ANK3: variants seen among roughly 807,000 people sequenced by gnomAD.
ANK3 encodes the protein ankyrin 3.
A neutral mutation model predicts 370.9 loss-of-function variants in ANK3; 57 were observed. The ratio of observed to expected loss-of-function variants is 0.15; its 90% CI spans 0.12 to 0.19. ANK3 has a LOEUF of 0.19. Ranked by LOEUF, ANK3 falls within the 10% of genes least tolerant of loss-of-function variation. ANK3 has a pLI of 1.00. For synonymous variants in ANK3, 1,929 were observed against 1,946.3 expected, an observed-to-expected ratio of 0.99 and a Z score of 0.23; for missense variants, 4,439 against 5,302.1, an observed-to-expected ratio of 0.84 and a Z score of 5.06.
At chr10:60,148,569 T>C (rs1287497758) in intron 23 of ANK3, among the ~76,000 whole-genome samples, 2 of 152,214 alleles carry the variant, frequency 1.3e-5, no homozygotes, top group Non-Finnish European at 2.9e-5. Flanking sequence ...CTTCATATTC[T>C]TTCTTATTAG....
chr10:60,117,165 C>A (rs889468649), intron 25 of ANK3, among the ~76,000 whole-genome samples: 1 of 152,158 alleles, frequency 6.6e-6, no homozygotes, highest in African/African-American at 2.4e-5. Flanking sequence ...AAACATATTT[C>A]TCATGCACTC....
intron 2 of ANK3, among the ~76,000 whole-genome samples, chr10:60,563,661 G>A (rs7914139): frequency 0.47 from 71,515 of 151,868 alleles, 17,228 homozygotes; most frequent in Non-Finnish European, 0.52. Flanking sequence ...AGATTTTGCC[G>A]CCAAAGAAGT....
chr10:60,585,824 T>C (rs1335148699), intron 2 of ANK3, among the ~76,000 whole-genome samples: 1 of 152,046 alleles, frequency 6.6e-6, no homozygotes, highest in African/African-American at 2.4e-5. Context: ...AGGAGTTCAA[T>C]ACCAGCCTGC....
chr10:60,423,720 T>G (rs2063823618), intron 2 of ANK3, among the ~76,000 whole-genome samples: 1 of 152,054 alleles, frequency 6.6e-6, no homozygotes, highest in Non-Finnish European at 1.5e-5. Context: ...CTCCACTGTA[T>G]TTCATGAACA....
chr10:60,192,093 C>T (rs1397450266), intron 16 of ANK3, among the ~76,000 whole-genome samples: 1 of 151,892 alleles, frequency 6.6e-6, no homozygotes, highest in African/African-American at 2.4e-5. Flanking sequence ...GGGGTTTCAC[C>T]ATGTTGGCCA....
intron 2 of ANK3, among the ~76,000 whole-genome samples, chr10:60,456,693 C>A (rs1308616516): frequency 6.6e-6 from 1 of 152,166 alleles, no homozygotes; most frequent in East Asian, 1.9e-4. Flanking sequence ...TGACCCTCAT[C>A]AGCCAAAATC....
intron 7 of ANK3, 22 bp downstream of exon 7, chr10:60,261,837 T>A (rs200665487): frequency 1.2e-6 from 2 of 1,605,106 alleles, no homozygotes; most frequent in African/African-American, 1.3e-5. Flanking sequence ...TTTAAAGGTA[T>A]TACACATTGC....
At position 60,029,702 on chromosome 10, in the gene ANK3, A is replaced by T. The variant is rs1033882918; in HGVS notation, c.*144T>A. On this transcript the variant is annotated 3_prime_UTR_variant, in exon 44 of 44. Transcript: ENST00000280772. ...TGGTTTTCTTTTCTTTTCTTTTTGC[A>T]TAAAAAAAATCATGCCATTAATGTG... is the stretch of plus-strand genomic sequence containing the variant. 1.3e-5 allele frequency: 2 copies of T among 151,940 alleles called. No homozygotes were observed. The highest frequency in any genetic ancestry group is 4.9e-5 in the African/African-American group (2 of 41,186). 9.4% of individuals were successfully genotyped at this position (151,940 alleles called of 1,614,324 possible).
chr10:60,383,196 T>C (rs1024638412), intron 1 of ANK3, among the ~76,000 whole-genome samples: 4 of 152,148 alleles, frequency 2.6e-5, no homozygotes, highest in African/African-American at 7.2e-5. Context: ...ACTCAGTACA[T>C]TGGCTAACAC....
At chr10:60,182,410 GA>G (rs1237635239) in intron 17 of ANK3, among the ~76,000 whole-genome samples, 3 of 151,698 alleles carry the variant, frequency 2.0e-5, no homozygotes, top group East Asian at 1.9e-4. Context: ...TCATGACCAA[GA>G]AAAAAAATTA....
intron 28 of ANK3, among the ~76,000 whole-genome samples, chr10:60,098,012 T>C (rs908471707): frequency 1.3e-5 from 2 of 152,200 alleles, no homozygotes; most frequent in Non-Finnish European, 2.9e-5. Flanking sequence ...TAAGTCACTG[T>C]AGACAGGTGC....
rs150874618 is a variant in ANK3, at chr10:60,366,514, A to G, written c.114+22911T>C. 2.3e-3 allele frequency among the ~76,000 whole-genome samples: 354 copies of G among 152,092 alleles called. 1 individual carries two copies. Among genetic ancestry groups the G allele is most frequent in the Middle Eastern group, 0.02 (6 of 294 alleles). On this transcript the variant is annotated intron_variant, in intron 1 of 43. Coordinates refer to ENST00000280772, the MANE Select transcript of ANK3 (RefSeq NM_020987.5). ...TAGACCTTTCTTTCCTGCTTTCACC[A>G]TGGATATGTGCCTGAAATGGTTATT...
intron 1 of ANK3, among the ~76,000 whole-genome samples, chr10:60,303,884 G>A (rs866004318): frequency 0.1 from 15,463 of 149,982 alleles, 945 homozygotes; most frequent in Non-Finnish European, 0.15. Flanking sequence ...ATATGTGTGT[G>A]TGTGTGTGTG....
intron 1 of ANK3, among the ~76,000 whole-genome samples, chr10:60,303,401 C>T (rs2044264714): frequency 6.6e-6 from 1 of 152,032 alleles, no homozygotes; most frequent in African/African-American, 2.4e-5. Flanking sequence ...GGGCAAAGAA[C>T]CTGAATAGAC....
chr10:60,703,116 G>A (rs1264381172), intron 1 of ANK3, among the ~76,000 whole-genome samples: 1 of 152,038 alleles, frequency 6.6e-6, no homozygotes, highest in Non-Finnish European at 1.5e-5. Context: ...GACCTTCTTA[G>A]GATCCTAATT....
intron 28 of ANK3, among the ~76,000 whole-genome samples, chr10:60,089,375 G>A (rs912784767): frequency 2.6e-5 from 4 of 152,068 alleles, no homozygotes; most frequent in East Asian, 1.9e-4. Context: ...CCTGTCACCC[G>A]GGTGTTCAGG....
chr10:60,120,582 T>C lies in ANK3; in HGVS notation c.2842-6251A>G, dbSNP rs772702125. ...AACTCTCCATCTGACAAGGGATTAA[T>C]AACCGGAATATATAATGAGCTCAAA... On this transcript the variant is annotated intron_variant, in intron 25 of 43. Transcript: ENST00000280772. Among the ~76,000 whole-genome samples, 59 of 151,688 alleles carry C rather than the reference T, an allele frequency of 3.9e-4. 1 individual carries two copies. The highest frequency in any genetic ancestry group is 6.6e-4 in the Non-Finnish European group (45 of 67,968).
At chr10:60,590,179 T>C (rs2133291270) in intron 2 of ANK3, among the ~76,000 whole-genome samples, 1 of 152,340 alleles carries the variant, frequency 6.6e-6, no homozygotes, top group Non-Finnish European at 1.5e-5. Context: ...AGCCCTGCCC[T>C]ATCCAATATC....
Position 60,163,479 on chromosome 10 carries a change from T to C in ANK3, c.2614+3112A>G, listed in dbSNP as rs949808847. On this transcript the variant is annotated intron_variant, in intron 23 of 43. Coordinates refer to ENST00000280772, the MANE Select transcript of ANK3 (RefSeq NM_020987.5). ...TTGGCCCCATTGTTCTCCCACCTTA[T>C]TAAATGATAACATTGTCTAGTCTTG... 3.9e-5 allele frequency among the ~76,000 whole-genome samples: 6 copies of C among 152,188 alleles called. No individual in the cohort carries two copies. In the East Asian group the frequency reaches 9.6e-4, roughly 24 times the overall value.
Sources: allele counts gnomAD v4.1 joint callset (sites outside exome capture counted in the v4.1 genomes callset), GRCh38; gene constraint gnomAD v4.1.1; transcripts MANE v1.5; gene names NCBI Gene and HGNC (gene_info 2026-07-23, HGNC 2026-07-21).